The following UBE2W variants were observed in gnomAD, a reference collection of about 807,000 sequenced individuals.
The protein encoded by UBE2W is ubiquitin conjugating enzyme E2 W.
In UBE2W, 18 loss-of-function variants were observed where a neutral mutation model predicts 27.2. The observed-to-expected ratio is 0.66, with a 90% CI of 0.46 to 0.98. The LOEUF (loss-of-function observed/expected upper bound fraction) is 0.98, where lower values mean the gene tolerates loss of function less well. Ranked by LOEUF, UBE2W falls within the 50% of genes least tolerant of loss-of-function variation. The probability of loss-of-function intolerance (pLI) is 0.00; values close to 1 mark genes in which losing one functional copy is unlikely to be tolerated. For missense variants in UBE2W, 90 were observed against 180.2 expected, an observed-to-expected ratio of 0.50 and a Z score of 2.87; for synonymous variants, 53 against 57.2, an observed-to-expected ratio of 0.93 and a Z score of 0.33.
rs1808167574 is a variant in UBE2W, at chr8:73,791,001, C to T, written c.*3101G>A. 9 of 982,562 alleles carry T rather than the reference C, an allele frequency of 9.2e-6. No homozygotes were observed. Among genetic ancestry groups the T allele is most frequent in the Non-Finnish European group, 9.7e-6 (8 of 827,484 alleles). 60.9% of individuals were successfully genotyped at this position (982,562 alleles called of 1,614,324 possible). On this transcript the variant is annotated 3_prime_UTR_variant, in exon 6 of 6. Coordinates refer to ENST00000602593, the MANE Select transcript of UBE2W (RefSeq NM_018299.6). ...TTATTTTATACCAAATATTGATATT[C>T]CTAGTCAAAACAACAAGGAATTAAG... is the stretch of plus-strand genomic sequence containing the variant.
In UBE2W at chr8:73,821,567, G is replaced by GC. The variant is rs1402414462; in HGVS notation, c.210+3579_210+3580insG. ...TGGGAGTGTGTGTGTGGGGGGGGGG[G>GC]GATGTGTGTGCATGTCCATGTGTGT... is the stretch of plus-strand genomic sequence containing the variant. On this transcript the variant is annotated intron_variant, in intron 3 of 5. Transcript: ENST00000602593. 1.8e-3 allele frequency among the ~76,000 whole-genome samples: 224 copies of GC among 125,260 alleles called. 2 individuals carry two copies. Among genetic ancestry groups the GC allele is most frequent in the Non-Finnish European group, 3.2e-3 (188 of 58,794 alleles). The allele number at this position is 125,260 out of a possible 152,430, so 82.2% of individuals were successfully genotyped here.
At chr8:73,825,326 C>G in intron 2 of UBE2W, 77 bp from the exon 3 acceptor site, 3 of 992,500 alleles carry the variant, frequency 3.0e-6, no homozygotes. Flanking sequence ...ACACCAAGTA[C>G]TTCCTATACA....
intron 3 of UBE2W, among the ~76,000 whole-genome samples, chr8:73,811,915 T>C (rs939355208): frequency 1.3e-5 from 2 of 151,632 alleles, no homozygotes; most frequent in Admixed American, 6.5e-5. Context: ...TAGTTTAATA[T>C]GGAATATGTT....
chr8:73,851,963 T>TAA (rs1229715370), intron 1 of UBE2W, among the ~76,000 whole-genome samples: 3 of 117,296 alleles, frequency 2.6e-5, no homozygotes, highest in African/African-American at 3.3e-5. Flanking sequence ...TTTTTTTTTT[T>TAA]AAAAAAAAAA....
chr8:73,826,768 G>GT (rs1344723005), intron 2 of UBE2W, among the ~76,000 whole-genome samples: 2 of 152,142 alleles, frequency 1.3e-5, no homozygotes, highest in East Asian at 1.9e-4. Context: ...TATCTCTCCA[G>GT]TTTTAACTAC....
downstream of UBE2W, among the ~76,000 whole-genome samples, chr8:73,783,455 T>C (rs1466876275): frequency 6.6e-6 from 1 of 152,238 alleles, no homozygotes; most frequent in Non-Finnish European, 1.5e-5. Flanking sequence ...CGATGGAGTA[T>C]TGCTTCACCC....
chr8:73,846,881 AAACT>A (rs1422659209), intron 1 of UBE2W, among the ~76,000 whole-genome samples: 4 of 152,212 alleles, frequency 2.6e-5, no homozygotes, highest in African/African-American at 9.7e-5. Context: ...TTAACATAAA[AAACT>A]AACTGGGCCA....
Position 73,819,343 on chromosome 8 carries a change from T to C in UBE2W, c.210+5804A>G, listed in dbSNP as rs73338461. On this transcript the variant is annotated intron_variant, in intron 3 of 5. Transcript: ENST00000602593. ...GTTGCTGTTGCAGTTTTGGTCATCATTGAATCACCAGCACCCAGCACAGTG... is the reference window on the plus strand; with the variant it reads ...GTTGCTGTTGCAGTTTTGGTCATCACTGAATCACCAGCACCCAGCACAGTG... 3.7e-3 allele frequency among the ~76,000 whole-genome samples: 569 copies of C among 152,336 alleles called. 3 individuals are homozygous for C. Among genetic ancestry groups the C allele is most frequent in the African/African-American group, 0.012 (490 of 41,564 alleles).
intron 3 of UBE2W, among the ~76,000 whole-genome samples, chr8:73,814,572 G>C (rs1294320117): frequency 6.6e-6 from 1 of 152,156 alleles, no homozygotes; most frequent in Non-Finnish European, 1.5e-5. Context: ...AGGCTGGAGT[G>C]CAATGGCCCG....
intron 3 of UBE2W, 29 bp from the exon 4 acceptor site, chr8:73,810,658 T>C: frequency 6.7e-7 from 1 of 1,501,600 alleles, no homozygotes. Flanking sequence ...CCATTAAAAC[T>C]CAAATATTCT....
intron 1 of UBE2W, among the ~76,000 whole-genome samples, chr8:73,833,343 G>C (rs1046593883): frequency 6.6e-6 from 1 of 151,090 alleles, no homozygotes; most frequent in Non-Finnish European, 1.5e-5. Flanking sequence ...TAAGAAAAAA[G>C]AAAAGAAAAT....
intron 1 of UBE2W, among the ~76,000 whole-genome samples, chr8:73,853,380 T>G (rs1811156508): frequency 6.6e-6 from 1 of 152,198 alleles, no homozygotes; most frequent in African/African-American, 2.4e-5. Context: ...TGCTCCCGCC[T>G]CAGCCTCCCG....
chr8:73,841,862 A>C (rs976112422), intron 1 of UBE2W, among the ~76,000 whole-genome samples: 1 of 152,230 alleles, frequency 6.6e-6, no homozygotes, highest in Non-Finnish European at 1.5e-5. Context: ...GTAAAGGTGA[A>C]CAAGAAAATG....
chr8:73,833,333 TAAGAA>T, intron 1 of UBE2W, among the ~76,000 whole-genome samples: 1 of 150,364 alleles, frequency 6.7e-6, no homozygotes, highest in Middle Eastern at 3.5e-3. Context: ...GAGAATGAAA[TAAGAA>T]AAAAGAAAAG....
chr8:73,859,234 G>A (rs1374173259), intron 1 of UBE2W, among the ~76,000 whole-genome samples: 1 of 152,166 alleles, frequency 6.6e-6, no homozygotes, highest in Non-Finnish European at 1.5e-5. Context: ...AGCTGGGAAT[G>A]GTGGCTCACG....
At position 73,790,726 on chromosome 8, in the gene UBE2W, C is replaced by T. The variant is rs1226848363; in HGVS notation, c.*3376G>A. 4.1e-6 allele frequency: 4 copies of T among 975,650 alleles called. No homozygotes were observed. Among genetic ancestry groups the T allele is most frequent in the Non-Finnish European group, 2.4e-6 (2 of 821,338 alleles). The allele number at this position is 975,650 out of a possible 1,614,324, so 60.4% of individuals were successfully genotyped here. A position where few individuals can be genotyped will look rare whatever the true frequency, so the allele number is the denominator to read the frequency against. On this transcript the variant is annotated 3_prime_UTR_variant, in exon 6 of 6. Coordinates refer to ENST00000602593, the MANE Select transcript of UBE2W (RefSeq NM_018299.6). ...TTTTAAATATCTCAATTCTGAAAAA[C>T]AATAGGCTTTTAAAAAATAAGACTT...
chr8:73,803,208 T>C (rs1182436519), intron 5 of UBE2W, among the ~76,000 whole-genome samples: 2 of 152,046 alleles, frequency 1.3e-5, no homozygotes, highest in Non-Finnish European at 2.9e-5. Flanking sequence ...AGAGCGAGAC[T>C]TCATCTCAAA....
intron 3 of UBE2W, among the ~76,000 whole-genome samples, chr8:73,814,559 C>T (rs1039575254): frequency 1.3e-5 from 2 of 152,046 alleles, no homozygotes; most frequent in African/African-American, 4.8e-5. Context: ...CGCACTGTTG[C>T]CCAGGCTGGA....
In UBE2W at chr8:73,792,246, T is replaced by C; in HGVS notation, c.*1856A>G. 9 of 985,678 alleles carry C rather than the reference T, an allele frequency of 9.1e-6. No individual in the cohort carries two copies. The highest frequency in any genetic ancestry group is 9.6e-6 in the Non-Finnish European group (8 of 829,766). 61.1% of individuals were successfully genotyped at this position (985,678 alleles called of 1,614,324 possible). Reference sequence around the variant, plus strand: ...ACAGAGATCATTGTGAGAATTTATCTAGTCAAGATAGAACAAAAACGGTTA... The same window carrying C: ...ACAGAGATCATTGTGAGAATTTATCCAGTCAAGATAGAACAAAAACGGTTA... On this transcript the variant is annotated 3_prime_UTR_variant, in exon 6 of 6. Coordinates refer to ENST00000602593, the MANE Select transcript of UBE2W (RefSeq NM_018299.6).
Sources: allele counts gnomAD v4.1 joint callset (sites outside exome capture counted in the v4.1 genomes callset), GRCh38; gene constraint gnomAD v4.1.1; transcripts MANE v1.5; gene names NCBI Gene and HGNC (gene_info 2026-07-23, HGNC 2026-07-21).